The following POLR1C variants were observed in gnomAD, a reference collection of about 807,000 sequenced individuals.
The protein encoded by POLR1C is RNA polymerase I and III subunit C.
In POLR1C, 42 loss-of-function variants were observed where a neutral mutation model predicts 38.3. The ratio of observed to expected loss-of-function variants is 1.10; its 90% confidence interval spans 0.86 to 1.42. POLR1C has a LOEUF of 1.42. Among genes scored for constraint, POLR1C ranks in the 40% most tolerant of loss-of-function variants. The probability of loss-of-function intolerance (pLI) is 0.00; values close to 1 mark genes in which losing one functional copy is unlikely to be tolerated. For synonymous variants in POLR1C, 163 were observed against 163.9 expected (o/e 0.99, Z 0.04); for missense variants, 507 against 450.5 (o/e 1.13, Z -1.14).
intron 9 of POLR1C, chr6:43,539,683 T>G: frequency 1.2e-6 from 1 of 857,654 alleles, no homozygotes; most frequent in East Asian, 2.7e-5. Flanking sequence ...GCCCCCCCAC[T>G]GCACCGGCGT....
chr6:43,558,399 T>G, intron 10 of POLR1C: 1 of 1,016,156 alleles, frequency 9.8e-7, no homozygotes. Flanking sequence ...TATCCAGATT[T>G]GGGGATCTTT....
rs1482390552 is a variant in POLR1C, at chr6:43,538,230, A to G, written c.*4+8871A>G. Among the ~76,000 whole-genome samples the G allele has an allele frequency of 1.0e-4, 13 of 129,890 alleles. No individual in the cohort carries two copies. The East Asian group carries it at 3.4e-3, about 34-fold the overall frequency. The allele number at this position is 129,890 out of a possible 152,430, so 85.2% of individuals were successfully genotyped here. On this transcript the variant is annotated intron_variant, in intron 9 of 10. Coordinates refer to the POLR1C transcript ENST00000607635. ...AATGGCGTGATCTCAGCTCAATGCA[A>G]CCTCCGCCTGCTGGGTTCAAGTGAT...
intron 9 of POLR1C, among the ~76,000 whole-genome samples, chr6:43,550,631 A>C (rs560205247): frequency 7.7e-4 from 118 of 152,298 alleles, no homozygotes; most frequent in African/African-American, 2.6e-3. Flanking sequence ...CTTTAATTTT[A>C]TCTCATTACT....
downstream of POLR1C, among the ~76,000 whole-genome samples, chr6:43,532,576 C>T (rs1277076035): frequency 6.6e-6 from 1 of 152,186 alleles, no homozygotes; most frequent in African/African-American, 2.4e-5. Context: ...ATACCAAGGC[C>T]TTTTTCTCTT....
chr6:43,527,269 T>C (rs983154111), intron 8 of POLR1C: 23 of 214,518 alleles, frequency 1.1e-4, no homozygotes, highest in Admixed American at 1.1e-3. Flanking sequence ...TCAGTGTTGC[T>C]ACAAACATGA....
chr6:43,524,644 A>C, downstream of POLR1C: 1 of 1,613,188 alleles, frequency 6.2e-7, no homozygotes, highest in Non-Finnish European at 8.5e-7. Flanking sequence ...CGCTGATATC[A>C]GCAGGGATAA....
At position 43,520,361 on chromosome 6, in the gene POLR1C, A is replaced by G; in HGVS notation, c.589A>G (p.Ile197Val). Residue 197 changes from isoleucine to valine, a missense_variant, in exon 6 of 9, where the codon ATC becomes GTC. Transcript: ENST00000642195. ...EGTIRPVHDD[I>V]LIAQLRPGQE... ...CACTATCCGACCAGTGCATGATGAT[A>G]TCCTCATCGCTCAGCTGCGGCCTGG... 6.2e-7 allele frequency: 1 copy of G among 1,613,808 alleles called. No homozygotes were observed. Among genetic ancestry groups the G allele is most frequent in the Non-Finnish European group, 8.5e-7 (1 of 1,180,030 alleles).
intron 10 of POLR1C, among the ~76,000 whole-genome samples, chr6:43,559,521 T>G (rs1218507111): frequency 6.6e-6 from 1 of 152,222 alleles, no homozygotes; most frequent in South Asian, 2.1e-4. Context: ...TAACTCTCAC[T>G]TGGCCTCCAG....
intron 9 of POLR1C, among the ~76,000 whole-genome samples, chr6:43,539,970 C>T (rs771740723): frequency 2.6e-5 from 4 of 152,200 alleles, no homozygotes; most frequent in Admixed American, 6.5e-5. Context: ...AAATAGAAGA[C>T]GGGGCTGGGC....
At chr6:43,539,233 C>T (rs780165251) in intron 9 of POLR1C, 14 of 1,274,914 alleles carry the variant, frequency 1.1e-5, no homozygotes, top group African/African-American at 1.5e-5. Context: ...AGAGCTTGGC[C>T]AGGATGATGG....
intron 10 of POLR1C, chr6:43,555,838 T>G: frequency 1.2e-6 from 2 of 1,613,820 alleles, no homozygotes; most frequent in Non-Finnish European, 8.5e-7. Context: ...AAACTTACAA[T>G]TCACAGAACC....
chr6:43,528,803 T>C, intron 8 of POLR1C: 1 of 1,607,296 alleles, frequency 6.2e-7, no homozygotes, highest in Non-Finnish European at 8.5e-7. Flanking sequence ...TACTCTTTGC[T>C]TCCTGTTCCT....
intron 9 of POLR1C, among the ~76,000 whole-genome samples, chr6:43,549,171 C>T (rs1795109356): frequency 6.6e-6 from 1 of 152,142 alleles, no homozygotes; most frequent in Non-Finnish European, 1.5e-5. Flanking sequence ...AAGTGATTCT[C>T]CTGCCTCAGC....
chr6:43,525,334 T>G, downstream of POLR1C: 2 of 958,942 alleles, frequency 2.1e-6, no homozygotes, highest in Non-Finnish European at 3.0e-6. Context: ...AAGATGGGTT[T>G]GTTTTGTTGC....
chr6:43,530,520 T>A (rs868040884), downstream of POLR1C, among the ~76,000 whole-genome samples: 1 of 152,206 alleles, frequency 6.6e-6, no homozygotes, highest in African/African-American at 2.4e-5. Flanking sequence ...ACTGCCTTCA[T>A]GTTTTCCCTG....
At chr6:43,530,729 T>C (rs566775169), downstream of POLR1C, 92 of 1,614,000 alleles carry the variant, frequency 5.7e-5, 2 homozygotes, top group South Asian at 8.7e-4. Flanking sequence ...ATTGTTCAAG[T>C]TGACAAAGGC....
intron 9 of POLR1C, chr6:43,538,825 T>G: frequency 8.9e-7 from 1 of 1,117,326 alleles, no homozygotes; most frequent in Non-Finnish European, 1.3e-6. Flanking sequence ...AAAAACCCTA[T>G]GTTGTAGCCA....
chr6:43,560,509 A>C (rs1762363282), intron 10 of POLR1C, among the ~76,000 whole-genome samples: 1 of 152,216 alleles, frequency 6.6e-6, no homozygotes, highest in Admixed American at 6.5e-5. Flanking sequence ...AATTACCTGG[A>C]ATGTGAGCTG....
At chr6:43,535,040 C>T (rs144185598) in intron 9 of POLR1C, among the ~76,000 whole-genome samples, 1 of 151,344 alleles carries the variant, frequency 6.6e-6, no homozygotes, top group East Asian at 1.9e-4. Flanking sequence ...TGCCTGTAAT[C>T]CCAGCACTTT....
Sources: allele counts gnomAD v4.1 joint callset (sites outside exome capture counted in the v4.1 genomes callset), GRCh38; gene constraint gnomAD v4.1.1; transcripts MANE v1.5; gene names NCBI Gene and HGNC (gene_info 2026-07-23, HGNC 2026-07-21).